Variants in NEFM observed in about 807,000 individuals in gnomAD.
NEFM encodes the protein neurofilament medium polypeptide.
In NEFM, 16 loss-of-function variants were observed where a neutral mutation model predicts 48.1. That is an observed-to-expected ratio of 0.33 (90% CI 0.23 to 0.51). NEFM has a LOEUF of 0.51. Among genes scored for constraint, NEFM ranks in the 20% least tolerant of loss-of-function variants. NEFM has a pLI of 0.98. For synonymous variants in NEFM, 465 were observed against 456.9 expected, an observed-to-expected ratio of 1.02 and a Z score of -0.23; for missense variants, 1,107 against 1,136.0, an observed-to-expected ratio of 0.97 and a Z score of 0.37.
Position 24,917,916 on chromosome 8 carries a change from G to A in NEFM, c.2061G>A (p.Val687=), listed in dbSNP as rs748416635. The change falls in exon 3 of 3, where the codon GTG becomes GTA. Residue 687 remains valine (V), a synonymous_variant. Transcript: ENST00000221166. ...AATCTCCTGTGCCAAAATCACCAGT[G>A]GAAGAGGCAAAGTCAAAAGCAGAAG... ...KAKSPVPKSP[V]EEAKSKAEVG... 1 of 1,614,138 alleles carries A rather than the reference G, an allele frequency of 6.2e-7. No homozygotes were observed.
In NEFM at chr8:24,918,808, T is replaced by C; in HGVS notation, c.*202T>C. 1 of 573,010 alleles carries C rather than the reference T, an allele frequency of 1.7e-6. No homozygotes were observed. Among genetic ancestry groups the C allele is most frequent in the South Asian group, 2.0e-5 (1 of 49,488 alleles). 35.5% of individuals were successfully genotyped at this position (573,010 alleles called of 1,614,324 possible). ...TCAAATGCATGATATTGTATGTACC[T>C]GGGAAATTTGCCGATTTCCTAAGCT... On this transcript the variant is annotated 3_prime_UTR_variant, in exon 3 of 3. Coordinates refer to ENST00000221166, the MANE Select transcript of NEFM (RefSeq NM_005382.2).
chr8:24,916,035 A>G (rs1802568054), intron 2 of NEFM, among the ~76,000 whole-genome samples: 1 of 152,212 alleles, frequency 6.6e-6, no homozygotes, highest in Admixed American at 6.5e-5. Context: ...AAATGCTGGA[A>G]GCATGAACAG....
At position 24,914,657 on chromosome 8, in the gene NEFM, C is replaced by T. The variant is rs745838573; in HGVS notation, c.864C>T (p.Ala288=). Residue 288 remains alanine, a synonymous_variant, in exon 1 of 3, where the codon GCC becomes GCT. Coordinates refer to ENST00000221166, the MANE Select transcript of NEFM (RefSeq NM_005382.2). ...ACTCAGACCAGAATATGCACCAGGC[C>T]GAAGAGTGGTTCAAATGCCGCTACG... ...ESHSDQNMHQ[A]EEWFKCRYAK... is the part of the protein sequence containing the mutation. 6.2e-7 allele frequency: 1 copy of T among 1,614,178 alleles called. No individual in the cohort carries two copies. Among genetic ancestry groups the T allele is most frequent in the Non-Finnish European group, 8.5e-7 (1 of 1,180,034 alleles).
rs983390176 is a variant in NEFM at position 24,918,855 on chromosome 8, G to A, written c.*249G>A. The A allele has an allele frequency of 2.5e-5, 13 of 522,206 alleles. No individual in the cohort carries two copies. Among genetic ancestry groups the A allele is most frequent in the African/African-American group, 2.1e-4 (11 of 52,144 alleles). 32.3% of individuals were successfully genotyped at this position (522,206 alleles called of 1,614,324 possible). On this transcript the variant is annotated 3_prime_UTR_variant, in exon 3 of 3. Coordinates refer to ENST00000221166, the MANE Select transcript of NEFM (RefSeq NM_005382.2). ...AGCTGTTGGAAGGGGGTCACTTAAG[G>A]GGGGATGTCTTGAGATGTATTATGC...
Position 24,918,735 on chromosome 8 carries a change from G to C in NEFM, c.*129G>C, listed in dbSNP as rs186949291. On this transcript the variant is annotated 3_prime_UTR_variant, in exon 3 of 3. Transcript: ENST00000221166. ...TGTATTTTACTTTGTGCAATATGAG[G>C]GGACTGCATGCAAGCTCAGGGTGCT... 41 of 763,378 alleles carry C rather than the reference G, an allele frequency of 5.4e-5. 1 individual carries two copies. In the East Asian group the frequency reaches 9.9e-4, roughly 18 times the overall value. 47.3% of individuals were successfully genotyped at this position (763,378 alleles called of 1,614,324 possible).
intron 1 of NEFM, chr8:24,915,214 C>A: frequency 7.8e-7 from 1 of 1,285,024 alleles, no homozygotes; most frequent in Non-Finnish European, 9.9e-7. Flanking sequence ...TGCAGAAACG[C>A]GTGTATTCTC....
rs368164893 is a variant in NEFM, at chr8:24,918,111, G to A, written c.2256G>A (p.Ser752=). The change falls in exon 3 of 3, where the codon TCG becomes TCA. Residue 752 remains serine (S), a synonymous_variant. Transcript: ENST00000221166. The stretch of plus-strand genomic sequence containing the variant: ...CAGAGGTGGTCACCATCACCAAATC[G>A]GTAAAGGTGCACTTGGAGAAAGAGA... ...AVAEVVTITK[S]VKVHLEKETK... The A allele has an allele frequency of 4.4e-4, 678 of 1,551,830 alleles. No homozygotes were observed. Among genetic ancestry groups the A allele is most frequent in the Admixed American group, 8.2e-4 (42 of 50,998 alleles).
chr8:24,915,510 G>T, intron 1 of NEFM, 95 bp from the exon 2 acceptor site: 1 of 1,575,518 alleles, frequency 6.3e-7, no homozygotes, highest in Non-Finnish European at 8.7e-7. Context: ...GGAGGGAGAC[G>T]GGAGGAGGCC....
intron 2 of NEFM, among the ~76,000 whole-genome samples, chr8:24,916,557 G>A (rs1432233904): frequency 6.6e-6 from 1 of 152,150 alleles, no homozygotes; most frequent in Non-Finnish European, 1.5e-5. Context: ...ACATTAAATA[G>A]ACACTTTATG....
In NEFM at chr8:24,913,819, G is replaced by A; in HGVS notation, c.26G>A (p.Gly9Asp). 6.2e-7 allele frequency: 1 copy of A among 1,610,436 alleles called. No individual in the cohort carries two copies. The highest frequency in any genetic ancestry group is 8.5e-7 in the Non-Finnish European group (1 of 1,179,032). Residue 9 changes from glycine (G) to aspartate (D), a missense_variant, in exon 1 of 3, where the codon GGC becomes GAC. Gly to Asp is a moderately conservative substitution (Grantham distance 94, BLOSUM62 -1). This residue lies in a region of NEFM where 186 missense variants were observed against 200.6 expected (regional missense o/e 0.93). Transcript: ENST00000221166. ...ATGAGCTACACGTTGGACTCGCTGG[G>A]CAACCCGTCCGCCTACCGGCGGGTA... Reference protein sequence around the residue: MSYTLDSLGNPSAYRRVTE... With the variant: MSYTLDSLDNPSAYRRVTE...
rs765372465 is a variant in NEFM at position 24,914,671 on chromosome 8, A to C, written c.878A>C (p.Lys293Thr). ...ATGCACCAGGCCGAAGAGTGGTTCAAATGCCGCTACGCCAAGCTCACCGAG... is the reference window on the plus strand; with the variant it reads ...ATGCACCAGGCCGAAGAGTGGTTCACATGCCGCTACGCCAAGCTCACCGAG... The part of the protein sequence containing the change: ...QNMHQAEEWF[K>T]CRYAKLTEAA... Residue 293 changes from lysine to threonine, a missense_variant, in exon 1 of 3, where the codon AAA becomes ACA. Physicochemically the swap from Lys to Thr is moderately conservative, Grantham distance 78. This residue lies in a region of NEFM where 917 missense variants were observed against 916.4 expected (regional missense o/e 1.00). Transcript: ENST00000221166. 4.3e-6 allele frequency: 7 copies of C among 1,614,044 alleles called. No individual in the cohort carries two copies. Among genetic ancestry groups the C allele is most frequent in the Non-Finnish European group, 5.9e-6 (7 of 1,180,038 alleles).
rs200400111 is a variant in NEFM, at chr8:24,913,762, C to G, written c.-32C>G. 8 of 1,590,648 alleles carry G rather than the reference C, an allele frequency of 5.0e-6. No homozygotes were observed. The African/African-American group carries it at 6.7e-5, about 13-fold the overall frequency. Reference sequence around the variant, plus strand: ...GGGCTGCGGCGAGGCCGGCAGAACGCTGTGACAGCCACACGCCCCAAGGCC... The same window carrying G: ...GGGCTGCGGCGAGGCCGGCAGAACGGTGTGACAGCCACACGCCCCAAGGCC... On this transcript the variant is annotated 5_prime_UTR_variant, in exon 1 of 3. Coordinates refer to ENST00000221166, the MANE Select transcript of NEFM (RefSeq NM_005382.2).
rs753638891 is a variant in NEFM at position 24,918,426 on chromosome 8, G to A, written c.2571G>A (p.Thr857=). 1.9e-6 allele frequency: 3 copies of A among 1,613,870 alleles called. No individual in the cohort carries two copies. Among genetic ancestry groups the A allele is most frequent in the African/African-American group, 1.3e-5 (1 of 74,856 alleles). ...KSEEKVVVTK[T]VEKITSEGGD... is the part of the protein sequence containing the mutation. ...AGGAGAAAGTGGTGGTGACCAAAAC[G>A]GTAGAAAAAATCACCAGTGAGGGGG... Residue 857 remains threonine, a synonymous_variant, in exon 3 of 3, where the codon ACG becomes ACA. Coordinates refer to ENST00000221166, the MANE Select transcript of NEFM (RefSeq NM_005382.2).
intron 1 of NEFM, 136 bp downstream of exon 1, chr8:24,915,009 A>G: frequency 7.1e-7 from 1 of 1,403,900 alleles, no homozygotes; most frequent in Non-Finnish European, 9.2e-7. Flanking sequence ...CCGCAGACCT[A>G]GGGTATTTGC....
Position 24,918,306 on chromosome 8 carries a change from G to A in NEFM, c.2451G>A (p.Lys817=), listed in dbSNP as rs139103309. 1.6e-4 allele frequency: 264 copies of A among 1,613,214 alleles called. No individual in the cohort carries two copies. Among genetic ancestry groups the A allele is most frequent in the Non-Finnish European group, 1.9e-4 (225 of 1,179,672 alleles). ...EGKEEVEQET[K]EKGSGREEEK... is the part of the protein sequence containing the mutation. ...AAGAGGAGGTAGAGCAGGAGACCAA[G>A]GAAAAAGGCAGTGGGAGGGAAGAGG... Residue 817 remains lysine, a synonymous_variant, in exon 3 of 3, where the codon AAG becomes AAA. Coordinates refer to ENST00000221166, the MANE Select transcript of NEFM (RefSeq NM_005382.2).
rs1161999281 is a variant in NEFM, at chr8:24,914,597, G to A, written c.804G>A (p.Thr268=). The stretch of plus-strand genomic sequence containing the variant: ...ACTACCTGAAGACAGACATCTCGAC[G>A]GCGCTGAAGGAAATCCGCTCCCAGC... The part of the protein sequence containing the change: ...RKDYLKTDIS[T]ALKEIRSQLE... The change falls in exon 1 of 3, where the codon ACG becomes ACA. Residue 268 remains threonine (T), a synonymous_variant. Coordinates refer to ENST00000221166, the MANE Select transcript of NEFM (RefSeq NM_005382.2). 3 of 1,614,060 alleles carry A rather than the reference G, an allele frequency of 1.9e-6. No homozygotes were observed. Among genetic ancestry groups the A allele is most frequent in the African/African-American group, 1.3e-5 (1 of 74,936 alleles).
At position 24,914,162 on chromosome 8, in the gene NEFM, G is replaced by A. The variant is rs1044693800; in HGVS notation, c.369G>A (p.Glu123=). 11 of 1,612,664 alleles carry A rather than the reference G, an allele frequency of 6.8e-6. No individual in the cohort carries two copies. Among genetic ancestry groups the A allele is most frequent in the Non-Finnish European group, 7.6e-6 (9 of 1,179,722 alleles). Residue 123 remains glutamate (E), a synonymous_variant, in exon 1 of 3, where the codon GAG becomes GAA. Coordinates refer to ENST00000221166, the MANE Select transcript of NEFM (RefSeq NM_005382.2). ...ACATAGAGAAGGTGCACTACCTGGA[G>A]CAGCAGAATAAGGAGATTGAGGCGG... is the stretch of plus-strand genomic sequence containing the variant. ...AGYIEKVHYL[E]QQNKEIEAEI...
chr8:24,917,388 T>C lies in NEFM; in HGVS notation c.1533T>C (p.Ser511=), dbSNP rs1802591887. The C allele has an allele frequency of 6.3e-7, 1 of 1,576,992 alleles. No homozygotes were observed. The highest frequency in any genetic ancestry group is 8.6e-7 in the Non-Finnish European group (1 of 1,161,058). Reference sequence around the variant, plus strand: ...AAGAAGAAGTAGCTGCCAAAAAGTCTCCAGTGAAAGCAACTGCACCTGAAG... The same window carrying C: ...AAGAAGAAGTAGCTGCCAAAAAGTCCCCAGTGAAAGCAACTGCACCTGAAG... ...AEEEEVAAKK[S]PVKATAPEVK... The change falls in exon 3 of 3, where the codon TCT becomes TCC. Residue 511 remains serine, a synonymous_variant. Transcript: ENST00000221166.
chr8:24,918,363 G>A lies in NEFM; in HGVS notation c.2508G>A (p.Leu836=), dbSNP rs753611085. ...EKGVVTNGLD[L]SPADEKKGGD... is the part of the protein sequence containing the mutation. The stretch of plus-strand genomic sequence containing the variant: ...GCGTTGTCACCAATGGCCTAGACTT[G>A]AGCCCAGCAGATGAAAAGAAGGGGG... Residue 836 remains leucine (L), a synonymous_variant, in exon 3 of 3, where the codon TTG becomes TTA. Transcript: ENST00000221166. 1 of 1,614,152 alleles carries A rather than the reference G, an allele frequency of 6.2e-7. No individual in the cohort carries two copies. The highest frequency in any genetic ancestry group is 1.1e-5 in the South Asian group (1 of 91,062).
Sources: allele counts gnomAD v4.1 joint callset (sites outside exome capture counted in the v4.1 genomes callset), GRCh38; gene constraint gnomAD v4.1.1; regional missense constraint gnomAD v4.1.1; transcripts MANE v1.5; gene names NCBI Gene and HGNC (gene_info 2026-07-23, HGNC 2026-07-21).